PPP1R17: variants seen among roughly 807,000 people sequenced by gnomAD.
PPP1R17 encodes the protein protein phosphatase 1 regulatory subunit 17.
Under a neutral mutation model 15.9 loss-of-function variants are expected in PPP1R17, and 12 were observed. That is an observed-to-expected ratio of 0.75 (90% CI 0.48 to 1.22). The LOEUF (loss-of-function observed/expected upper bound fraction) is 1.22. Among genes scored for constraint, PPP1R17 ranks in the 50% most tolerant of loss-of-function variants. The pLI, the probability that PPP1R17 is intolerant of heterozygous loss-of-function variation, is 0.00. For synonymous variants in PPP1R17, 63 were observed against 64.5 expected (o/e 0.98, Z 0.11); for missense variants, 211 against 187.3 (o/e 1.13, Z -0.74).
At chr7:31,696,759 G>A (rs1307199905) in intron 3 of PPP1R17, among the ~76,000 whole-genome samples, 1 of 152,142 alleles carries the variant, frequency 6.6e-6, no homozygotes, top group Non-Finnish European at 1.5e-5. Context: ...ATAAAATCAA[G>A]CATGCAAAAC....
At chr7:31,693,297 A>G (rs975445549) in intron 2 of PPP1R17, among the ~76,000 whole-genome samples, 8 of 152,214 alleles carry the variant, frequency 5.3e-5, no homozygotes, top group African/African-American at 1.9e-4. Flanking sequence ...ACAGGTTTGT[A>G]CCTCAAGAGA....
intron 1 of PPP1R17, among the ~76,000 whole-genome samples, chr7:31,689,715 G>A (rs972479880): frequency 3.3e-5 from 5 of 152,042 alleles, no homozygotes; most frequent in African/African-American, 7.2e-5. Context: ...AACTCCAAAT[G>A]TCTTTCCCCT....
chr7:31,705,736 A>C (rs1000539069), intron 4 of PPP1R17, among the ~76,000 whole-genome samples: 23 of 104,108 alleles, frequency 2.2e-4, no homozygotes, highest in African/African-American at 8.4e-4. Flanking sequence ...TGCTTCATGG[A>C]CTGGAAGGCG....
At chr7:31,694,727 G>A (rs1266089756) in intron 2 of PPP1R17, among the ~76,000 whole-genome samples, 2 of 152,180 alleles carry the variant, frequency 1.3e-5, no homozygotes, top group African/African-American at 4.8e-5. Flanking sequence ...GGATAGAGGA[G>A]TAAGAGGGAG....
At chr7:31,696,935 G>A (rs1467877350) in intron 3 of PPP1R17, 30 bp from the exon 4 acceptor site, 2 of 1,609,178 alleles carry the variant, frequency 1.2e-6, no homozygotes, top group East Asian at 2.2e-5. Context: ...ATTTGATCCT[G>A]TTTCTCTCTG....
intron 4 of PPP1R17, 117 bp downstream of exon 4, chr7:31,697,234 G>T: frequency 1.5e-6 from 2 of 1,315,058 alleles, no homozygotes; most frequent in Non-Finnish European, 2.1e-6. Context: ...GCGTTGTCCT[G>T]AAGTGCTCTG....
chr7:31,695,466 T>C lies in PPP1R17; in HGVS notation c.83-3T>C, dbSNP rs1583835975. 6.3e-7 allele frequency: 1 copy of C among 1,593,322 alleles called. No individual in the cohort carries two copies. The highest frequency in any genetic ancestry group is 2.2e-5 in the East Asian group (1 of 44,746). On this transcript the variant is annotated splice_polypyrimidine_tract_variant and splice_region_variant and intron_variant, in intron 2 of 4. Transcript: ENST00000342032. ...TTATTTCTTTGTATCCTGTCAAAATTAGATGATCTTTCAGACCAGTTCATT... is the reference window on the plus strand; with the variant it reads ...TTATTTCTTTGTATCCTGTCAAAATCAGATGATCTTTCAGACCAGTTCATT...
chr7:31,701,032 CCCCTGGATTGAGGAGTTACTTCGA>C lies in PPP1R17; in HGVS notation c.388+3917_388+3940del, dbSNP rs532902290. On this transcript the variant is annotated intron_variant, in intron 4 of 4. Transcript: ENST00000342032. ...TGCTAATGTAGCATCTATTCTGGAG[CCCCTGGATTGAGGAGTTACTTCGA>C]CTTGCAAGTCTTGTTACTTAAGAAA... 2.7e-3 allele frequency among the ~76,000 whole-genome samples: 413 copies of C among 152,240 alleles called. 2 individuals are homozygous for C. Among genetic ancestry groups the C allele is most frequent in the African/African-American group, 9.4e-3 (391 of 41,542 alleles).
At chr7:31,698,978 G>A (rs1016981422) in intron 4 of PPP1R17, among the ~76,000 whole-genome samples, 2 of 152,160 alleles carry the variant, frequency 1.3e-5, no homozygotes, top group Non-Finnish European at 2.9e-5. Context: ...TGCCTACTAT[G>A]TGCCAGGCAC....
At chr7:31,696,215 C>T (rs544723426) in intron 3 of PPP1R17, 1 of 152,352 alleles carries the variant, frequency 6.6e-6, no homozygotes, top group South Asian at 2.1e-4. Flanking sequence ...CCTTGTTTTG[C>T]TTTCTTTTCT....
chr7:31,697,203 G>A lies in PPP1R17; in HGVS notation c.388+86G>A, dbSNP rs953971888. On this transcript the variant is annotated intron_variant, in intron 4 of 4. Transcript: ENST00000342032. ...ATCTGGAGGTCCCCAGGGCCTGGCCGTTGTCCTGCCCCAGCAAGCTGCGTT... is the reference window on the plus strand; with the variant it reads ...ATCTGGAGGTCCCCAGGGCCTGGCCATTGTCCTGCCCCAGCAAGCTGCGTT... 4.6e-5 allele frequency: 69 copies of A among 1,506,392 alleles called. 1 individual carries two copies. The Middle Eastern group carries it at 9.8e-4, about 21-fold the overall frequency. 93.3% of individuals were successfully genotyped at this position (1,506,392 alleles called of 1,614,324 possible). A position where few individuals can be genotyped will look rare whatever the true frequency, so the allele number is the denominator to read the frequency against.
chr7:31,703,173 ACT>A (rs1792924964), intron 4 of PPP1R17, among the ~76,000 whole-genome samples: 1 of 152,112 alleles, frequency 6.6e-6, no homozygotes, highest in South Asian at 2.1e-4. Flanking sequence ...GCTATCAAAA[ACT>A]CTCAACAAAT....
At chr7:31,691,377 A>T (rs1792334441) in intron 1 of PPP1R17, among the ~76,000 whole-genome samples, 1 of 152,166 alleles carries the variant, frequency 6.6e-6, no homozygotes, top group Non-Finnish European at 1.5e-5. Flanking sequence ...AAAAGAAAAG[A>T]ATTGGTTGGG....
At chr7:31,701,073 C>G (rs1400463171) in intron 4 of PPP1R17, among the ~76,000 whole-genome samples, 1 of 152,144 alleles carries the variant, frequency 6.6e-6, no homozygotes, top group Non-Finnish European at 1.5e-5. Context: ...AGTCTTGTTA[C>G]TTAAGAAATA....
At chr7:31,705,321 A>C (rs570462175) in intron 4 of PPP1R17, among the ~76,000 whole-genome samples, 1 of 152,240 alleles carries the variant, frequency 6.6e-6, no homozygotes, top group East Asian at 1.9e-4. Flanking sequence ...GAATCAACTC[A>C]ATTTTGGCTT....
intron 4 of PPP1R17, among the ~76,000 whole-genome samples, chr7:31,700,109 G>A (rs1490673290): frequency 6.6e-6 from 1 of 152,148 alleles, no homozygotes; most frequent in African/African-American, 2.4e-5. Flanking sequence ...AAATGATTAG[G>A]CTTAGTGAGA....
chr7:31,692,484 G>T lies in PPP1R17; in HGVS notation c.43G>T (p.Asp15Tyr). ...AATGCAGCCACTGGAACTCTCAGAAGACAGACTGGACAAGCTAGACCCTCG... is the reference window on the plus strand; with the variant it reads ...AATGCAGCCACTGGAACTCTCAGAATACAGACTGGACAAGCTAGACCCTCG... ...EQMQPLELSE[D>Y]RLDKLDPRCS... is the part of the protein sequence containing the mutation. The change falls in exon 2 of 5, where the codon GAC (aspartate) becomes TAC (tyrosine). Residue 15 changes from aspartate (D) to tyrosine (Y), a missense_variant. Coordinates refer to ENST00000342032, the MANE Select transcript of PPP1R17 (RefSeq NM_006658.5). 6.2e-7 allele frequency: 1 copy of T among 1,611,882 alleles called. No homozygotes were observed. The highest frequency in any genetic ancestry group is 2.2e-5 in the East Asian group (1 of 44,848).
chr7:31,692,564 A>C (rs137937165), intron 2 of PPP1R17, 41 bp downstream of exon 2: 1 of 1,539,254 alleles, frequency 6.5e-7, no homozygotes, highest in East Asian at 2.2e-5. Context: ...GGTGGAAGTC[A>C]GAGAAGAGGC....
chr7:31,694,907 T>C (rs1335859883), intron 2 of PPP1R17, among the ~76,000 whole-genome samples: 1 of 152,048 alleles, frequency 6.6e-6, no homozygotes, highest in Non-Finnish European at 1.5e-5. Context: ...TGAGTTAGGA[T>C]GGGCAAATAG....
Sources: gnomAD v4.1 joint callset for allele counts (sites outside exome capture counted in the v4.1 genomes callset) on GRCh38, gnomAD v4.1.1 for gene constraint, MANE v1.5 for transcripts, NCBI Gene and HGNC (gene_info 2026-07-23, HGNC 2026-07-21) for gene names.